IL32: variants seen among roughly 807,000 people sequenced by gnomAD.
IL32 encodes the protein interleukin 32.
A neutral mutation model predicts 16.6 loss-of-function variants in IL32; 30 were observed. That is an observed-to-expected ratio of 1.81 (90% CI 1.35 to 2.45). The LOEUF (loss-of-function observed/expected upper bound fraction) is 2.45, where lower values mean the gene tolerates loss of function less well. IL32 is among the 30% of genes most tolerant of loss of function. IL32 has a pLI of 0.00. For missense variants in IL32, 234 were observed against 229.8 expected (o/e 1.02, Z -0.12); for synonymous variants, 70 against 86.1 (o/e 0.81, Z 1.03).
At chr16:3,066,266 C>T (rs138600612) in intron 2 of IL32, among the ~76,000 whole-genome samples, 12 of 152,304 alleles carry the variant, frequency 7.9e-5, no homozygotes, top group East Asian at 1.9e-4. Context: ...AGGCCCACCA[C>T]ACCCTCCAGG....
chr16:3,068,029 C>T lies in IL32; in HGVS notation c.141+19C>T. On this transcript the variant is annotated intron_variant, in intron 5 of 6. Transcript: ENST00000525643. Reference sequence around the variant, plus strand: ...GCTGGAGGTGAGCCGTGGCCTCCCCCTCCACCAAGCTTAGTCCCTGGGTCT... The same window carrying T: ...GCTGGAGGTGAGCCGTGGCCTCCCCTTCCACCAAGCTTAGTCCCTGGGTCT... 1.2e-6 allele frequency: 2 copies of T among 1,613,922 alleles called. No individual in the cohort carries two copies. Among genetic ancestry groups the T allele is most frequent in the South Asian group, 1.1e-5 (1 of 91,080 alleles).
intron 6 of IL32, chr16:3,068,531 T>A: frequency 2.2e-6 from 1 of 464,716 alleles, no homozygotes; most frequent in Non-Finnish European, 3.9e-6. Flanking sequence ...CAGGCTGGTC[T>A]TGAACTCCTA....
rs771259952 is a variant in IL32, at chr16:3,067,616, G to A, written c.114+3G>A. 2 of 1,605,388 alleles carry A rather than the reference G, an allele frequency of 1.2e-6. No individual in the cohort carries two copies. Among genetic ancestry groups the A allele is most frequent in the South Asian group, 2.2e-5 (2 of 90,910 alleles). On this transcript the variant is annotated splice_donor_region_variant and intron_variant, in intron 4 of 6. Coordinates refer to ENST00000525643, the MANE Select transcript of IL32 (RefSeq NM_001376923.1). ...ATGCAGAATCAGGACGTGGACAGGTGGGTGGATTTCCCCTCAGGCACCAGG... is the reference window on the plus strand; with the variant it reads ...ATGCAGAATCAGGACGTGGACAGGTAGGTGGATTTCCCCTCAGGCACCAGG...
chr16:3,066,628 A>C (rs986216563), intron 2 of IL32, among the ~76,000 whole-genome samples: 1 of 152,094 alleles, frequency 6.6e-6, no homozygotes, highest in African/African-American at 2.4e-5. Context: ...GTCTGCAGGC[A>C]GGAATGGCCC....
At chr16:3,065,560 C>T, upstream of IL32, 1 of 603,312 alleles carries the variant, frequency 1.7e-6, no homozygotes, top group Non-Finnish European at 3.0e-6. Flanking sequence ...ACGCACTCAG[C>T]AAGGCCTCCT....
chr16:3,067,658 C>T, intron 4 of IL32, 45 bp downstream of exon 4: 1 of 1,382,052 alleles, frequency 7.2e-7, no homozygotes, highest in Non-Finnish European at 1.0e-6. Flanking sequence ...GTCCCCGCCC[C>T]CAGGCACTCC....
intron 2 of IL32, 93 bp from the exon 3 acceptor site, chr16:3,067,284 T>C (rs1181843029): frequency 1.8e-6 from 1 of 541,662 alleles, no homozygotes; most frequent in Non-Finnish European, 3.2e-6. Context: ...TGTGTGTGTG[T>C]GTGTGTGTGT....
At position 3,068,166 on chromosome 16, in the gene IL32, C is replaced by G. The variant is rs1956636924; in HGVS notation, c.142-14C>G. On this transcript the variant is annotated splice_polypyrimidine_tract_variant and intron_variant, in intron 5 of 6. Transcript: ENST00000525643. ...CAGGAGCAGCATGAACCCCCTGTGC[C>G]CTCCTCTCCCCAGGACGACTTCAAA... The G allele has an allele frequency of 6.2e-7, 1 of 1,603,754 alleles. No homozygotes were observed. The highest frequency in any genetic ancestry group is 1.3e-5 in the African/African-American group (1 of 74,774).
At position 3,068,042 on chromosome 16, in the gene IL32, A is replaced by T. The variant is rs374177796; in HGVS notation, c.141+32A>T. ...CGTGGCCTCCCCCTCCACCAAGCTT[A>T]GTCCCTGGGTCTTAGGCTCCACAGG... On this transcript the variant is annotated intron_variant, in intron 5 of 6. Transcript: ENST00000525643. 22 of 1,613,576 alleles carry T rather than the reference A, an allele frequency of 1.4e-5. No individual in the cohort carries two copies. The African/African-American group carries it at 2.9e-4, about 22-fold the overall frequency.
intron 4 of IL32, 127 bp from the exon 5 acceptor site, chr16:3,067,857 G>A (rs770698538): frequency 1.1e-4 from 130 of 1,137,534 alleles, no homozygotes; most frequent in Middle Eastern, 6.5e-4. Context: ...TGCCAGACGT[G>A]GCCCGGGCCC....
chr16:3,065,571 G>C, upstream of IL32: 1 of 617,628 alleles, frequency 1.6e-6, no homozygotes, highest in Non-Finnish European at 2.9e-6. Context: ...AAGGCCTCCT[G>C]CCCTGAGAGA....
chr16:3,067,747 G>GCACT (rs1956556308), intron 4 of IL32, 134 bp downstream of exon 4: 1 of 868,274 alleles, frequency 1.2e-6, no homozygotes, highest in Non-Finnish European at 1.8e-6. Flanking sequence ...GCAAATGCTT[G>GCACT]CACCTGGGTG....
rs201114894 is a variant in IL32, at chr16:3,067,515, G to A, written c.55-39G>A. 1,364 of 1,614,012 alleles carry A rather than the reference G, an allele frequency of 8.5e-4. 2 individuals are homozygous for A. The highest frequency in any genetic ancestry group is 1.1e-3 in the Admixed American group (66 of 60,016). On this transcript the variant is annotated intron_variant, in intron 3 of 6. Transcript: ENST00000525643. ...ACACCTGGGACCCTGGAGGGACAAG[G>A]ATCCGGCCCTTTGGTGCCAACTCTG...
At chr16:3,068,757 C>G (rs1056908049) in intron 6 of IL32, 1 of 626,044 alleles carries the variant, frequency 1.6e-6, no homozygotes. Context: ...ACGATGAGGG[C>G]CCTGACCTGG....
chr16:3,068,571 A>C, intron 6 of IL32: 1 of 413,368 alleles, frequency 2.4e-6, no homozygotes, highest in Non-Finnish European at 4.5e-6. Flanking sequence ...TTGGCCTCCC[A>C]AAGTGCTGAG....
intron 3 of IL32, 64 bp downstream of exon 3, chr16:3,067,479 G>A (rs1263274099): frequency 1.2e-5 from 20 of 1,613,860 alleles, no homozygotes; most frequent in Non-Finnish European, 1.6e-5. Flanking sequence ...TGACACTGAG[G>A]ACACTGTGGG....
intron 4 of IL32, 125 bp downstream of exon 4, chr16:3,067,738 C>A: frequency 1.1e-6 from 1 of 886,404 alleles, no homozygotes; most frequent in Non-Finnish European, 1.8e-6. Context: ...TTACCGTGGG[C>A]AAATGCTTGC....
chr16:3,067,043 C>A (rs1319341958), intron 2 of IL32, among the ~76,000 whole-genome samples: 4 of 80,320 alleles, frequency 5.0e-5, no homozygotes, highest in Non-Finnish European at 1.1e-4. Context: ...CCCACGCAGG[C>A]CCTGCTCTTG....
chr16:3,069,476 A>G lies in IL32; in HGVS notation c.*121A>G. ...TCCCCCTGCCTGGCGTTCCTGCCGCAGCTCTGACCTGGTGCTGTCGCCCTG... is the reference window on the plus strand; with the variant it reads ...TCCCCCTGCCTGGCGTTCCTGCCGCGGCTCTGACCTGGTGCTGTCGCCCTG... On this transcript the variant is annotated 3_prime_UTR_variant, in exon 7 of 7. Coordinates refer to ENST00000525643, the MANE Select transcript of IL32 (RefSeq NM_001376923.1). 5 of 1,212,834 alleles carry G rather than the reference A, an allele frequency of 4.1e-6. No homozygotes were observed. The highest frequency in any genetic ancestry group is 5.8e-6 in the Non-Finnish European group (5 of 868,082). 75.1% of individuals were successfully genotyped at this position (1,212,834 alleles called of 1,614,324 possible).
Sources: gnomAD v4.1 joint callset for allele counts (sites outside exome capture counted in the v4.1 genomes callset) on GRCh38, gnomAD v4.1.1 for gene constraint, MANE v1.5 for transcripts, NCBI Gene and HGNC (gene_info 2026-07-23, HGNC 2026-07-21) for gene names.